GRID2: variants seen among roughly 807,000 people sequenced by gnomAD.
GRID2 encodes the protein glutamate receptor ionotropic, delta-2.
A neutral mutation model predicts 114.8 loss-of-function variants in GRID2; 33 were observed. That is an observed-to-expected ratio of 0.29 (90% confidence interval 0.22 to 0.38). The LOEUF is 0.38. GRID2 is among the 10% of genes least tolerant of loss of function. The pLI, the probability that GRID2 is intolerant of heterozygous loss-of-function variation, is 1.00. For missense variants in GRID2, 1,184 were observed against 1,257.7 expected (o/e 0.94, Z 0.89); for synonymous variants, 505 against 449.9 (o/e 1.12, Z -1.55).
At chr4:92,893,681 A>T (rs1746958836) in intron 2 of GRID2, among the ~76,000 whole-genome samples, 2 of 152,170 alleles carry the variant, frequency 1.3e-5, no homozygotes, top group African/African-American at 4.8e-5. Flanking sequence ...TTTCTGTTTA[A>T]AAGATTTCCT....
chr4:93,129,464 A>G (rs1335090693), intron 4 of GRID2, among the ~76,000 whole-genome samples: 1 of 152,074 alleles, frequency 6.6e-6, no homozygotes, highest in Non-Finnish European at 1.5e-5. Context: ...GGATTCTGGC[A>G]TCGAGATTTT....
intron 1 of GRID2, among the ~76,000 whole-genome samples, chr4:92,567,862 T>C (rs1007615494): frequency 3.3e-5 from 5 of 152,052 alleles, no homozygotes; most frequent in Admixed American, 6.6e-5. Context: ...TTTCTTTGCA[T>C]TGGTAATTCA....
At chr4:92,855,948 C>T (rs1054188015) in intron 2 of GRID2, among the ~76,000 whole-genome samples, 1 of 152,080 alleles carries the variant, frequency 6.6e-6, no homozygotes, top group Admixed American at 6.6e-5. Context: ...TCATGTCACG[C>T]GATGTTTCAG....
In GRID2 at chr4:92,527,098, C is replaced by G. The variant is rs369647869; in HGVS notation, c.89-63033C>G. ...AAAAAACTCACAATGTTAGTAAGGT[C>G]CTGCTTTGAAGAATGGCATGAAATA... On this transcript the variant is annotated intron_variant, in intron 1 of 15. Coordinates refer to ENST00000282020, the MANE Select transcript of GRID2 (RefSeq NM_001510.4). 5.3e-5 allele frequency among the ~76,000 whole-genome samples: 8 copies of G among 151,828 alleles called. No individual in the cohort carries two copies. The East Asian group carries it at 1.6e-3, about 30-fold the overall frequency.
At chr4:93,399,640 C>T (rs1012498023) in intron 9 of GRID2, among the ~76,000 whole-genome samples, 2 of 151,988 alleles carry the variant, frequency 1.3e-5, no homozygotes, top group Non-Finnish European at 2.9e-5. Context: ...GGAGAGAGAC[C>T]ATCACTCATA....
rs138062398 is a variant in GRID2, at chr4:92,373,620, A to G, written c.88+68876A>G. On this transcript the variant is annotated intron_variant, in intron 1 of 15. Transcript: ENST00000282020. ...TTGCTTTCAAAGTTCTTTAATATCAATCCTCATCACTGGATTGTAAACTCC... is the reference window on the plus strand; with the variant it reads ...TTGCTTTCAAAGTTCTTTAATATCAGTCCTCATCACTGGATTGTAAACTCC... 4.0e-3 allele frequency among the ~76,000 whole-genome samples: 605 copies of G among 152,320 alleles called. 1 individual carries two copies. Among genetic ancestry groups the G allele is most frequent in the Non-Finnish European group, 6.9e-3 (468 of 68,026 alleles).
chr4:93,594,446 G>T (rs1264258897), intron 13 of GRID2, among the ~76,000 whole-genome samples: 1 of 152,172 alleles, frequency 6.6e-6, no homozygotes, highest in African/African-American at 2.4e-5. Context: ...GAGAACCACT[G>T]CTCTCTTCAA....
In GRID2 at chr4:92,768,339, A is replaced by T. The variant is rs566386029; in HGVS notation, c.244+178053A>T. Among the ~76,000 whole-genome samples, 24 of 152,266 alleles carry T rather than the reference A, an allele frequency of 1.6e-4. No individual in the cohort carries two copies. In the South Asian group the frequency reaches 5.0e-3, roughly 32 times the overall value. ...AAATTTTTTACTTTTCAAAGTTGCCATCCAATCCGGGCTGGTACTTTGATC... is the reference window on the plus strand; with the variant it reads ...AAATTTTTTACTTTTCAAAGTTGCCTTCCAATCCGGGCTGGTACTTTGATC... On this transcript the variant is annotated intron_variant, in intron 2 of 15. Transcript: ENST00000282020.
chr4:93,471,424 C>A (rs1476745000), intron 11 of GRID2, among the ~76,000 whole-genome samples: 2 of 151,952 alleles, frequency 1.3e-5, no homozygotes, highest in Admixed American at 6.6e-5. Context: ...TTACCAAAAA[C>A]AAAAGTGATG....
intron 8 of GRID2, among the ~76,000 whole-genome samples, chr4:93,285,511 C>T (rs1437528873): frequency 2.0e-5 from 3 of 151,974 alleles, no homozygotes; most frequent in African/African-American, 7.2e-5. Flanking sequence ...TCCTATTTGA[C>T]ATGTTAGAAA....
intron 4 of GRID2, among the ~76,000 whole-genome samples, chr4:93,196,484 C>T (rs1741504508): frequency 6.6e-6 from 1 of 152,018 alleles, no homozygotes; most frequent in Non-Finnish European, 1.5e-5. Context: ...ACATTTTATG[C>T]CACTCTTAAA....
chr4:92,992,484 TA>T (rs1395834805), intron 2 of GRID2, among the ~76,000 whole-genome samples: 2 of 152,174 alleles, frequency 1.3e-5, no homozygotes, highest in Non-Finnish European at 2.9e-5. Context: ...GGAGTTATTT[TA>T]TTTGGGGTAT....
chr4:93,330,562 A>G (rs1411978614), intron 8 of GRID2, among the ~76,000 whole-genome samples: 1 of 152,172 alleles, frequency 6.6e-6, no homozygotes, highest in Non-Finnish European at 1.5e-5. Flanking sequence ...CCAGCTTATT[A>G]TAAATATCAA....
At chr4:93,584,856 A>G (rs775430404) in intron 13 of GRID2, among the ~76,000 whole-genome samples, 3 of 152,098 alleles carry the variant, frequency 2.0e-5, no homozygotes, top group Middle Eastern at 3.2e-3. Context: ...TCAGGACTAT[A>G]AAGTGGATGC....
At chr4:92,315,993 C>CAAAAAAAAACAAAAAAAAAAAGA (rs1725951623) in intron 1 of GRID2, among the ~76,000 whole-genome samples, 1 of 61,916 alleles carries the variant, frequency 1.6e-5, no homozygotes, top group Non-Finnish European at 3.1e-5. Context: ...AAACAAAAAG[C>CAAAAAAAAACAAAAAAAAAAAGA]AAAAAAAAAA....
chr4:93,628,859 G>A (rs552242081), intron 14 of GRID2, among the ~76,000 whole-genome samples: 11 of 148,968 alleles, frequency 7.4e-5, no homozygotes, highest in East Asian at 2.0e-4. Context: ...TCCCCATCCC[G>A]GGTTCAAGTG....
intron 3 of GRID2, among the ~76,000 whole-genome samples, chr4:93,095,399 A>G (rs1230280646): frequency 6.6e-6 from 1 of 152,064 alleles, no homozygotes; most frequent in Admixed American, 6.6e-5. Context: ...ATTTGCCAGT[A>G]TCAGAAATTA....
At chr4:93,350,785 G>T (rs1760721975) in intron 8 of GRID2, among the ~76,000 whole-genome samples, 1 of 151,998 alleles carries the variant, frequency 6.6e-6, no homozygotes, top group South Asian at 2.1e-4. Context: ...AGTCATTGTT[G>T]AAATAATTGT....
At chr4:93,328,850 T>C (rs1280709982) in intron 8 of GRID2, among the ~76,000 whole-genome samples, 1 of 152,084 alleles carries the variant, frequency 6.6e-6, no homozygotes, top group Non-Finnish European at 1.5e-5. Context: ...AGGCATGAAT[T>C]CATCAATCAT....
Sources: allele counts gnomAD v4.1 joint callset (sites outside exome capture counted in the v4.1 genomes callset), GRCh38; gene constraint gnomAD v4.1.1; transcripts MANE v1.5; gene names NCBI Gene and HGNC (gene_info 2026-07-23, HGNC 2026-07-21).